The following CSMD3 variants were observed in gnomAD, a reference collection of about 807,000 sequenced individuals.
CSMD3 encodes the protein CUB and Sushi multiple domains 3.
Under a neutral mutation model 435.2 loss-of-function variants are expected in CSMD3, and 177 were observed. The observed-to-expected ratio is 0.41, with a 90% CI of 0.36 to 0.46. CSMD3 has a LOEUF of 0.46. Among genes scored for constraint, CSMD3 ranks in the 20% least tolerant of loss-of-function variants. CSMD3 has a pLI of 0.34. For missense variants in CSMD3, 4,265 were observed against 4,504.6 expected (o/e 0.95, Z 1.52); for synonymous variants, 1,656 against 1,520.5 (o/e 1.09, Z -2.07).
intron 32 of CSMD3, among the ~76,000 whole-genome samples, chr8:112,426,372 G>A (rs1443840064): frequency 6.6e-6 from 1 of 152,040 alleles, no homozygotes; most frequent in Non-Finnish European, 1.5e-5. Context: ...ACATAGTCAT[G>A]TTTAATTATT....
rs371767033 is a variant in CSMD3 at position 112,918,016 on chromosome 8, T to C, written c.1633+3611A>G. On this transcript the variant is annotated intron_variant, in intron 10 of 70. Transcript: ENST00000297405. ...CGGCCATTTCCAAACATGGAAATAA[T>C]CTTCCTCATCTGAATTTTGCAGAGG... 5.7e-4 allele frequency among the ~76,000 whole-genome samples: 87 copies of C among 152,128 alleles called. 1 individual carries two copies. Among genetic ancestry groups the C allele is most frequent in the Non-Finnish European group, 1.0e-3 (71 of 67,946 alleles).
intron 1 of CSMD3, among the ~76,000 whole-genome samples, chr8:113,398,015 G>A (rs185795061): frequency 7.2e-5 from 11 of 152,112 alleles, no homozygotes; most frequent in African/African-American, 2.4e-4. Flanking sequence ...CACAAATAAA[G>A]TTGTGAACAT....
chr8:112,387,756 G>A (rs955500092), intron 36 of CSMD3, among the ~76,000 whole-genome samples: 1 of 152,104 alleles, frequency 6.6e-6, no homozygotes, highest in African/African-American at 2.4e-5. Flanking sequence ...AATAGTGTTT[G>A]CCTAGGATAA....
At chr8:112,598,491 C>T (rs1466933251) in intron 22 of CSMD3, among the ~76,000 whole-genome samples, 3 of 148,552 alleles carry the variant, frequency 2.0e-5, no homozygotes, top group African/African-American at 2.5e-5. Context: ...CTACCAATGA[C>T]TTTCTTCACA....
In CSMD3 at chr8:112,595,820, G is replaced by C. The variant is rs1480255424; in HGVS notation, c.3716-8585C>G. 1.0e-4 allele frequency among the ~76,000 whole-genome samples: 11 copies of C among 109,512 alleles called. 1 individual carries two copies. The highest frequency in any genetic ancestry group is 4.2e-4 in the African/African-American group (10 of 23,990). 71.8% of individuals were successfully genotyped at this position (109,512 alleles called of 152,430 possible). A position where few individuals can be genotyped will look rare whatever the true frequency, so the allele number is the denominator to read the frequency against. On this transcript the variant is annotated intron_variant, in intron 22 of 70. Coordinates refer to ENST00000297405, the MANE Select transcript of CSMD3 (RefSeq NM_198123.2). ...CTTTACAGACAAGCAAATGCTGACC[G>C]ATTTTGTCACCACCAGGCCTGCCCT...
At chr8:113,067,535 C>T (rs1226865257) in intron 5 of CSMD3, among the ~76,000 whole-genome samples, 6 of 151,836 alleles carry the variant, frequency 4.0e-5, no homozygotes, top group Non-Finnish European at 8.8e-5. Context: ...TACAATTTTG[C>T]CATTGAACAC....
chr8:113,172,733 T>C (rs549307480), intron 4 of CSMD3, among the ~76,000 whole-genome samples: 30 of 152,264 alleles, frequency 2.0e-4, no homozygotes, highest in African/African-American at 7.0e-4. Context: ...AGTGACATGT[T>C]TGGGAGGAAG....
intron 9 of CSMD3, among the ~76,000 whole-genome samples, chr8:112,930,732 C>T (rs559772884): frequency 2.6e-5 from 4 of 152,022 alleles, no homozygotes; most frequent in African/African-American, 9.6e-5. Flanking sequence ...CAAGAGTAAC[C>T]CACAAGGCAC....
At chr8:113,002,224 A>G (rs545246031) in intron 6 of CSMD3, among the ~76,000 whole-genome samples, 2 of 152,224 alleles carry the variant, frequency 1.3e-5, no homozygotes, top group South Asian at 4.1e-4. Flanking sequence ...AGACTCCCGG[A>G]GCAGCTAAAA....
At chr8:113,319,783 C>T (rs2093936663) in intron 1 of CSMD3, among the ~76,000 whole-genome samples, 1 of 152,032 alleles carries the variant, frequency 6.6e-6, no homozygotes, top group Admixed American at 6.6e-5. Context: ...TATTGTGATT[C>T]ACTTGGAATC....
chr8:112,536,113 C>A (rs1826053592), intron 27 of CSMD3, among the ~76,000 whole-genome samples: 1 of 152,148 alleles, frequency 6.6e-6, no homozygotes, highest in Non-Finnish European at 1.5e-5. Flanking sequence ...TAGGCATGGG[C>A]AAGGACTTCA....
intron 9 of CSMD3, among the ~76,000 whole-genome samples, chr8:112,933,947 A>G (rs1011729090): frequency 1.6e-4 from 24 of 152,152 alleles, no homozygotes; most frequent in Non-Finnish European, 4.4e-5. Flanking sequence ...GTCTGGGAAG[A>G]TCAGCAACAA....
chr8:112,353,236 CA>C (rs1826298781), intron 38 of CSMD3, among the ~76,000 whole-genome samples: 1 of 151,970 alleles, frequency 6.6e-6, no homozygotes, highest in African/African-American at 2.4e-5. Context: ...ACTAAAAATA[CA>C]AAAATTATCC....
At chr8:112,392,248 A>G (rs1311456917) in intron 35 of CSMD3, among the ~76,000 whole-genome samples, 1 of 147,734 alleles carries the variant, frequency 6.8e-6, no homozygotes, top group Non-Finnish European at 1.5e-5. Flanking sequence ...ATAATAATTT[A>G]TTTTAAAAGT....
At position 112,394,930 on chromosome 8, in the gene CSMD3, G is replaced by A. The variant is rs139769047; in HGVS notation, c.5810-4142C>T. Among the ~76,000 whole-genome samples the A allele has an allele frequency of 1.3e-4, 20 of 152,234 alleles. No individual in the cohort carries two copies. In the East Asian group the frequency reaches 3.3e-3, roughly 25 times the overall value. ...AATTATTGCTGAATAAATCACTGAAGAACTGATTGTGTATCTGTACATATC... is the reference window on the plus strand; with the variant it reads ...AATTATTGCTGAATAAATCACTGAAAAACTGATTGTGTATCTGTACATATC... On this transcript the variant is annotated intron_variant, in intron 35 of 70. Coordinates refer to ENST00000297405, the MANE Select transcript of CSMD3 (RefSeq NM_198123.2).
At chr8:113,138,311 A>C (rs1314478779) in intron 4 of CSMD3, among the ~76,000 whole-genome samples, 1 of 151,470 alleles carries the variant, frequency 6.6e-6, no homozygotes, top group Non-Finnish European at 1.5e-5. Flanking sequence ...AAAAAAATTG[A>C]ATTTTTAAAA....
intron 4 of CSMD3, among the ~76,000 whole-genome samples, chr8:113,152,305 T>C (rs1588160230): frequency 6.6e-6 from 1 of 151,996 alleles, no homozygotes; most frequent in Admixed American, 6.6e-5. Flanking sequence ...TAAAAGCATA[T>C]AAACATAAAA....
At chr8:113,171,181 T>C (rs967986252) in intron 4 of CSMD3, among the ~76,000 whole-genome samples, 1 of 152,080 alleles carries the variant, frequency 6.6e-6, no homozygotes, top group African/African-American at 2.4e-5. Context: ...AGTAATAAAT[T>C]GGTATGTAAC....
At chr8:112,413,427 T>C (rs1234793046) in intron 32 of CSMD3, among the ~76,000 whole-genome samples, 1 of 152,216 alleles carries the variant, frequency 6.6e-6, no homozygotes, top group Admixed American at 6.5e-5. Context: ...CTTTTTCCTT[T>C]GGTCACATTC....
Sources: allele counts gnomAD v4.1 joint callset (sites outside exome capture counted in the v4.1 genomes callset), GRCh38; gene constraint gnomAD v4.1.1; transcripts MANE v1.5; gene names NCBI Gene and HGNC (gene_info 2026-07-23, HGNC 2026-07-21).